GNAQ: variants seen among roughly 807,000 people sequenced by gnomAD.
GNAQ encodes the protein G protein subunit alpha q.
GNAQ carries 8 observed loss-of-function variants against 43.9 expected under a neutral mutation model. That is an observed-to-expected ratio of 0.18 (90% CI 0.11 to 0.33). The LOEUF (loss-of-function observed/expected upper bound fraction) is 0.33, where lower values mean the gene tolerates loss of function less well. Among genes scored for constraint, GNAQ ranks in the 10% least tolerant of loss-of-function variants. The pLI is 1.00. For synonymous variants in GNAQ, 155 were observed against 170.7 expected (o/e 0.91, Z 0.71); for missense variants, 158 against 450.8 (o/e 0.35, Z 5.88).
At position 77,860,545 on chromosome 9, in the gene GNAQ, C is replaced by A. The variant is rs374316313; in HGVS notation, c.322-44775G>T. 5.9e-5 allele frequency among the ~76,000 whole-genome samples: 9 copies of A among 152,266 alleles called. No homozygotes were observed. In the South Asian group the frequency reaches 1.9e-3, roughly 32 times the overall value. ...GCATTAGTTATATTCTCATAAGGAG[C>A]GTGCAACCTAGATCCCTCCTGCACA... On this transcript the variant is annotated intron_variant, in intron 2 of 6. Coordinates refer to ENST00000286548, the MANE Select transcript of GNAQ (RefSeq NM_002072.5).
chr9:77,807,484 T>G (rs1427019770), intron 3 of GNAQ, among the ~76,000 whole-genome samples: 1 of 152,200 alleles, frequency 6.6e-6, no homozygotes, highest in African/African-American at 2.4e-5. Context: ...ATCAACTCAA[T>G]GAACATTTCT....
At chr9:77,809,528 CAGAGCCT>C (rs576806407) in intron 3 of GNAQ, among the ~76,000 whole-genome samples, 75 of 152,288 alleles carry the variant, frequency 4.9e-4, no homozygotes, top group Middle Eastern at 3.4e-3. Flanking sequence ...TAATCATTTT[CAGAGCCT>C]TCAGGCTTTT....
chr9:77,852,199 TG>T (rs1392229217), intron 2 of GNAQ, among the ~76,000 whole-genome samples: 2 of 152,176 alleles, frequency 1.3e-5, no homozygotes, highest in Non-Finnish European at 2.9e-5. Flanking sequence ...TGAAACTAGA[TG>T]GGGTTTCCTT....
chr9:77,892,650 T>C (rs567966880), intron 2 of GNAQ, among the ~76,000 whole-genome samples: 3 of 152,310 alleles, frequency 2.0e-5, no homozygotes, highest in East Asian at 1.9e-4. Flanking sequence ...AGAGCATTAT[T>C]GAATATTAAC....
chr9:77,843,929 A>T (rs1827532938), intron 2 of GNAQ, among the ~76,000 whole-genome samples: 1 of 152,130 alleles, frequency 6.6e-6, no homozygotes, highest in African/African-American at 2.4e-5. Flanking sequence ...GTTCATTATC[A>T]TATCAGGTCC....
At chr9:77,917,148 G>C (rs1828921127) in intron 2 of GNAQ, among the ~76,000 whole-genome samples, 1 of 152,104 alleles carries the variant, frequency 6.6e-6, no homozygotes, top group Non-Finnish European at 1.5e-5. Context: ...GAAATAACTA[G>C]TAACAGGCAA....
intron 6 of GNAQ, among the ~76,000 whole-genome samples, chr9:77,723,427 T>A (rs956553572): frequency 6.6e-6 from 1 of 152,228 alleles, no homozygotes; most frequent in African/African-American, 2.4e-5. Context: ...GGGGCTCTGA[T>A]AGACACTTGA....
chr9:77,737,889 G>A (rs997966239), intron 5 of GNAQ, among the ~76,000 whole-genome samples: 14 of 152,154 alleles, frequency 9.2e-5, no homozygotes, highest in Admixed American at 9.2e-4. Flanking sequence ...GCTCAGGTCC[G>A]CTTAGTATCT....
chr9:77,878,353 A>T, intron 2 of GNAQ, among the ~76,000 whole-genome samples: 1 of 151,958 alleles, frequency 6.6e-6, no homozygotes, highest in African/African-American at 2.4e-5. Flanking sequence ...GAAAGGATTG[A>T]ATTCAAAATA....
intron 5 of GNAQ, among the ~76,000 whole-genome samples, chr9:77,786,914 A>C (rs7044809): frequency 0.031 from 4,696 of 152,300 alleles, 201 homozygotes; most frequent in African/African-American, 0.099. Context: ...TAATAGCCCC[A>C]AATTGGAAAC....
At chr9:77,913,294 T>TTATA (rs3083244) in intron 2 of GNAQ, among the ~76,000 whole-genome samples, 17 of 148,066 alleles carry the variant, frequency 1.1e-4, no homozygotes, top group East Asian at 7.8e-4. Context: ...TAGGATATAA[T>TTATA]TATATATATA....
intron 1 of GNAQ, among the ~76,000 whole-genome samples, chr9:77,939,020 A>G (rs1365425310): frequency 1.3e-5 from 2 of 152,202 alleles, no homozygotes; most frequent in Non-Finnish European, 2.9e-5. Context: ...AGGAGAGGGC[A>G]GCCTTGAGGG....
chr9:77,778,114 A>C (rs1226698101), intron 5 of GNAQ, among the ~76,000 whole-genome samples: 3 of 152,162 alleles, frequency 2.0e-5, no homozygotes, highest in South Asian at 2.1e-4. Flanking sequence ...AAGGTAAATA[A>C]AAACTTTTAT....
chr9:77,884,426 A>G (rs1461404854), intron 2 of GNAQ, among the ~76,000 whole-genome samples: 1 of 152,224 alleles, frequency 6.6e-6, no homozygotes, highest in Non-Finnish European at 1.5e-5. Flanking sequence ...AAACCAAAAG[A>G]AGGCTTATTT....
intron 2 of GNAQ, among the ~76,000 whole-genome samples, chr9:77,907,458 C>A (rs917263319): frequency 6.6e-6 from 1 of 152,174 alleles, no homozygotes; most frequent in Non-Finnish European, 1.5e-5. Context: ...CATTAAAGAA[C>A]TAAATAATTT....
At chr9:77,731,550 C>T (rs920192627) in intron 5 of GNAQ, among the ~76,000 whole-genome samples, 8 of 152,202 alleles carry the variant, frequency 5.3e-5, no homozygotes, top group African/African-American at 1.9e-4. Flanking sequence ...CAGATGAGAT[C>T]AACTTTCAAC....
intron 5 of GNAQ, among the ~76,000 whole-genome samples, chr9:77,731,701 G>A (rs961000654): frequency 6.6e-6 from 1 of 152,094 alleles, no homozygotes; most frequent in Non-Finnish European, 1.5e-5. Context: ...CTTAAAACAA[G>A]GCTTCTACTT....
chr9:77,738,317 C>CCACA (rs10637243), intron 5 of GNAQ, among the ~76,000 whole-genome samples: 1,707 of 150,828 alleles, frequency 0.011, 19 homozygotes, highest in South Asian at 0.017. Flanking sequence ...ACGCTACAAA[C>CCACA]CACACACACA....
intron 2 of GNAQ, among the ~76,000 whole-genome samples, chr9:77,890,993 A>G (rs1478745394): frequency 6.6e-6 from 1 of 152,184 alleles, no homozygotes; most frequent in Non-Finnish European, 1.5e-5. Flanking sequence ...AAGAAATGCA[A>G]AAGATATGGT....
Sources: gnomAD v4.1 joint callset for allele counts (sites outside exome capture counted in the v4.1 genomes callset) on GRCh38, gnomAD v4.1.1 for gene constraint, MANE v1.5 for transcripts, NCBI Gene and HGNC (gene_info 2026-07-23, HGNC 2026-07-21) for gene names.